Variants in NSD1 observed in about 807,000 individuals in gnomAD.
NSD1 encodes nuclear receptor binding SET domain protein 1.
NSD1 carries 26 observed loss-of-function variants against 242.7 expected under a neutral mutation model. The ratio of observed to expected loss-of-function variants is 0.11; its 90% CI spans 0.08 to 0.15. The LOEUF (loss-of-function observed/expected upper bound fraction) is 0.15, where lower values mean the gene tolerates loss of function less well. NSD1 is among the 10% of genes least tolerant of loss of function. NSD1 has a pLI of 1.00. For synonymous variants in NSD1, 1,106 were observed against 1,178.1 expected, an observed-to-expected ratio of 0.94 and a Z score of 1.25; for missense variants, 2,495 against 3,272.8, an observed-to-expected ratio of 0.76 and a Z score of 5.80.
chr5:177,263,539 T>C (rs1036585930), intron 14 of NSD1, among the ~76,000 whole-genome samples: 2 of 152,216 alleles, frequency 1.3e-5, no homozygotes, highest in South Asian at 2.1e-4. Context: ...CTTAGAAGTT[T>C]CTTGAAGTAA....
chr5:177,286,362 A>T (rs1028024979), intron 20 of NSD1, among the ~76,000 whole-genome samples: 1 of 152,210 alleles, frequency 6.6e-6, no homozygotes, highest in Non-Finnish European at 1.5e-5. Flanking sequence ...ACACTTGAGC[A>T]TCACTGTGCA....
chr5:177,278,804 T>G (rs1758605864), intron 17 of NSD1, among the ~76,000 whole-genome samples: 1 of 152,232 alleles, frequency 6.6e-6, no homozygotes, highest in African/African-American at 2.4e-5. Flanking sequence ...GAAGACTAAA[T>G]TTGACTGTTC....
chr5:177,224,177 C>A (rs1764455131), intron 5 of NSD1, among the ~76,000 whole-genome samples: 2 of 151,964 alleles, frequency 1.3e-5, no homozygotes, highest in South Asian at 4.1e-4. Context: ...AATGTTAGAA[C>A]AAGGTTGTAA....
chr5:177,238,171 T>C lies in NSD1; in HGVS notation c.3922-66T>C. On this transcript the variant is annotated intron_variant, in intron 6 of 22. Transcript: ENST00000439151. This position sits in a 1 kb window ranked among gnomAD's most constrained non-coding sequence, Gnocchi z 4.6. ...ATTTCATTCCTTTTAAAGTGTGTTA[T>C]TCTTTTTGACACTTAAATTACAACA... is the stretch of plus-strand genomic sequence containing the variant. The C allele has an allele frequency of 1.3e-6, 2 of 1,560,920 alleles. No homozygotes were observed. Among genetic ancestry groups the C allele is most frequent in the East Asian group, 2.2e-5 (1 of 44,636 alleles).
chr5:177,289,122 C>T (rs1000518144), intron 21 of NSD1, among the ~76,000 whole-genome samples, 197 bp downstream of exon 21: 1 of 152,080 alleles, frequency 6.6e-6, no homozygotes, highest in Non-Finnish European at 1.5e-5. Context: ...GAGTTCGAGA[C>T]CAGCCTGGCC....
At chr5:177,289,815 TTTG>T (rs1018929437) in intron 21 of NSD1, among the ~76,000 whole-genome samples, 2 of 150,940 alleles carry the variant, frequency 1.3e-5, no homozygotes, top group African/African-American at 2.5e-5. Flanking sequence ...CCTTATTTTT[TTTG>T]TTGTTGTTGT....
intron 17 of NSD1, among the ~76,000 whole-genome samples, chr5:177,279,255 G>A (rs1758643689): frequency 6.6e-6 from 1 of 152,142 alleles, no homozygotes; most frequent in Admixed American, 6.6e-5. Flanking sequence ...ACCGAGGCGG[G>A]CAGATCACCT....
Position 177,135,253 on chromosome 5 carries a change from A to G in NSD1, c.150A>G (p.Leu50=), listed in dbSNP as rs1581089582. The stretch of plus-strand genomic sequence containing the variant: ...CACTTAATGGGTGTACTATGCAGTT[A>G]TCGACTGTCAGTGGAACATCCCAAA... ...SEPLNGCTMQ[L]STVSGTSQNA... Residue 50 remains leucine, a synonymous_variant, in exon 2 of 23, where the codon TTA becomes TTG. Coordinates refer to ENST00000439151, the MANE Select transcript of NSD1 (RefSeq NM_022455.5). 6.2e-7 allele frequency: 1 copy of G among 1,613,828 alleles called. No homozygotes were observed. Among genetic ancestry groups the G allele is most frequent in the Non-Finnish European group, 8.5e-7 (1 of 1,179,680 alleles).
chr5:177,226,096 G>C (rs1255273759), intron 5 of NSD1, among the ~76,000 whole-genome samples: 2 of 152,080 alleles, frequency 1.3e-5, no homozygotes, highest in Admixed American at 1.3e-4. Flanking sequence ...GCTTAGGCTG[G>C]AGTGTGGTGG....
Position 177,294,572 on chromosome 5 carries a change from A to G in NSD1, c.7204A>G (p.Thr2402Ala). ...LLITSSPKPQ[T>A]SDRPTDKPHA... ...CATTACTAGCAGTCCCAAACCCCAG[A>G]CTTCAGACAGGCCTACTGACAAACC... The change falls in exon 23 of 23, where the codon ACT becomes GCT. Residue 2402 changes from threonine (T) to alanine (A), a missense_variant. By Grantham distance (58) the Thr-to-Ala change is moderately conservative (BLOSUM62 0). Transcript: ENST00000439151. 6.2e-7 allele frequency: 1 copy of G among 1,614,070 alleles called. No individual in the cohort carries two copies. Among genetic ancestry groups the G allele is most frequent in the Non-Finnish European group, 8.5e-7 (1 of 1,180,014 alleles).
chr5:177,170,211 A>C (rs1475454372), intron 2 of NSD1, among the ~76,000 whole-genome samples: 3 of 151,672 alleles, frequency 2.0e-5, no homozygotes, highest in South Asian at 2.1e-4. Context: ...TGACCTCGTG[A>C]TCTGCCCGCC....
chr5:177,291,521 T>C (rs1759826701), intron 21 of NSD1, among the ~76,000 whole-genome samples: 1 of 152,008 alleles, frequency 6.6e-6, no homozygotes, highest in Non-Finnish European at 1.5e-5. Flanking sequence ...GGAGTGGTGG[T>C]GGGCGCCTGT....
Position 177,210,156 on chromosome 5 carries a change from A to G in NSD1, c.1757A>G (p.Asn586Ser), listed in dbSNP as rs1486157291. ...GCAAAGAAAGAATTTGAGACTTCAA[A>G]TGGTGACTCTTTATTGGGCTTGCCT... is the stretch of plus-strand genomic sequence containing the variant. Reference protein sequence around the residue: ...NTAKKEFETSNGDSLLGLPEG... With the variant: ...NTAKKEFETSSGDSLLGLPEG... The change falls in exon 5 of 23, where the codon AAT becomes AGT. Residue 586 changes from asparagine (N) to serine (S), a missense_variant. Around this residue, in one of 19 missense-constraint regions of NSD1, gnomAD observed 515 missense variants for 467.0 expected, o/e 1.10. Coordinates refer to ENST00000439151, the MANE Select transcript of NSD1 (RefSeq NM_022455.5). The G allele has an allele frequency of 3.0e-5, 48 of 1,611,844 alleles. No homozygotes were observed. The highest frequency in any genetic ancestry group is 3.9e-5 in the Non-Finnish European group (46 of 1,179,340).
intron 2 of NSD1, among the ~76,000 whole-genome samples, chr5:177,137,569 C>T (rs2149759069): frequency 6.6e-6 from 1 of 152,224 alleles, no homozygotes; most frequent in Non-Finnish European, 1.5e-5. Flanking sequence ...TTGTCCTACA[C>T]ATTAGGGTGG....
In NSD1 at chr5:177,255,319, G is replaced by A. The variant is rs547513628; in HGVS notation, c.4766-1632G>A. 6.0e-5 allele frequency among the ~76,000 whole-genome samples: 9 copies of A among 151,060 alleles called. No individual in the cohort carries two copies. The East Asian group carries it at 1.4e-3, about 23-fold the overall frequency. ...GATTGAGTCTCAAAAAAAAAAAAAA[G>A]TTACCAGTTATTCAGCATCAGGTAG... On this transcript the variant is annotated intron_variant, in intron 12 of 22. Transcript: ENST00000439151.
chr5:177,144,220 GT>G (rs78751136), intron 2 of NSD1, among the ~76,000 whole-genome samples: 9,450 of 146,484 alleles, frequency 0.065, 950 homozygotes, highest in African/African-American at 0.22. Context: ...ATATTTTTGA[GT>G]TTTTTTTTTT....
At chr5:177,132,311 G>T (rs1459334360), upstream of NSD1, among the ~76,000 whole-genome samples, 1 of 151,536 alleles carries the variant, frequency 6.6e-6, no homozygotes, top group Non-Finnish European at 1.5e-5. The surrounding 1 kb of genome is among the most constrained non-coding windows in gnomAD (Gnocchi z 7.5). Flanking sequence ...AGGGCCATCT[G>T]CCTGGGTGCC....
At chr5:177,154,020 A>G (rs904875542) in intron 2 of NSD1, among the ~76,000 whole-genome samples, 7 of 152,012 alleles carry the variant, frequency 4.6e-5, no homozygotes, top group African/African-American at 1.7e-4. Flanking sequence ...AGTCTCTCTA[A>G]TGAATTTACA....
At chr5:177,158,791 C>T (rs1158023895) in intron 2 of NSD1, among the ~76,000 whole-genome samples, 1 of 128,504 alleles carries the variant, frequency 7.8e-6, no homozygotes, top group Non-Finnish European at 1.5e-5. Context: ...CACTGCACTC[C>T]AGGCTAGGTG....
Sources: allele counts gnomAD v4.1 joint callset (sites outside exome capture counted in the v4.1 genomes callset), GRCh38; gene constraint gnomAD v4.1.1; regional missense constraint gnomAD v4.1.1; non-coding constraint Gnocchi (gnomAD v3.1); transcripts MANE v1.5; gene names NCBI Gene and HGNC (gene_info 2026-07-23, HGNC 2026-07-21).